The following CYP19A1 variants were observed in gnomAD, a reference collection of about 807,000 sequenced individuals.
The protein encoded by CYP19A1 is aromatase.
CYP19A1 carries 32 observed loss-of-function variants against 44.4 expected under a neutral mutation model. The observed-to-expected ratio is 0.72, with a 90% CI of 0.54 to 0.97. The LOEUF is 0.97. Among genes scored for constraint, CYP19A1 ranks in the 50% least tolerant of loss-of-function variants. CYP19A1 has a pLI of 0.00. For missense variants in CYP19A1, 598 were observed against 637.8 expected (o/e 0.94, Z 0.67); for synonymous variants, 212 against 215.6 (o/e 0.98, Z 0.14).
At chr15:51,255,696 G>C (rs1160970580) in intron 1 of CYP19A1, 1 of 152,212 alleles carries the variant, frequency 6.6e-6, no homozygotes, top group Non-Finnish European at 1.5e-5. Flanking sequence ...CATGAAAGCT[G>C]TTATCAGCGG....
chr15:51,225,714 A>G (rs562916427), intron 4 of CYP19A1, among the ~76,000 whole-genome samples: 7 of 152,266 alleles, frequency 4.6e-5, no homozygotes, highest in Non-Finnish European at 8.8e-5. Context: ...ACCTACTAAC[A>G]TGTTACTTTA....
chr15:51,264,092 T>C (rs946943045), intron 1 of CYP19A1, among the ~76,000 whole-genome samples: 15 of 152,106 alleles, frequency 9.9e-5, no homozygotes, highest in African/African-American at 1.7e-4. Context: ...TTTATGGACA[T>C]AGGCAAAGTG....
intron 1 of CYP19A1, chr15:51,278,276 G>A (rs1265394844): frequency 6.6e-6 from 1 of 152,116 alleles, no homozygotes; most frequent in Non-Finnish European, 1.5e-5. Context: ...ATAGATCGTA[G>A]CGTACCAAGA....
At chr15:51,261,111 C>A (rs185061464) in intron 1 of CYP19A1, among the ~76,000 whole-genome samples, 1 of 152,322 alleles carries the variant, frequency 6.6e-6, no homozygotes, top group East Asian at 1.9e-4. Flanking sequence ...ATTGTTCCTG[C>A]ATGGCTAAGT....
At position 51,215,737 on chromosome 15, in the gene CYP19A1, C is replaced by T; in HGVS notation, c.824G>A (p.Cys275Tyr). 6.2e-7 allele frequency: 1 copy of T among 1,614,040 alleles called. No homozygotes were observed. The highest frequency in any genetic ancestry group is 8.5e-7 in the Non-Finnish European group (1 of 1,179,978). ...RISTEEKLEE[C>Y]MDFATELILA... is the part of the protein sequence containing the mutation. ...AATCAACTCAGTGGCAAAGTCCATA[C>T]ATTCTTCCAGTTTCTCTTCTGTGGA... The change falls in exon 7 of 10, where the codon TGT becomes TAT. Residue 275 changes from cysteine (C) to tyrosine (Y), a missense_variant. By Grantham distance (194) the Cys-to-Tyr change is radical. Coordinates refer to ENST00000396402, the MANE Select transcript of CYP19A1 (RefSeq NM_000103.4).
intron 1 of CYP19A1, among the ~76,000 whole-genome samples, chr15:51,261,683 G>T (rs1595732842): frequency 6.6e-6 from 1 of 152,200 alleles, no homozygotes; most frequent in South Asian, 2.1e-4. Flanking sequence ...TGCTGTGGGG[G>T]TAAAGAGAAC....
intron 1 of CYP19A1, among the ~76,000 whole-genome samples, chr15:51,324,687 A>G (rs952213831): frequency 1.3e-5 from 2 of 152,274 alleles, no homozygotes; most frequent in Non-Finnish European, 2.9e-5. Context: ...TAGCAAACAA[A>G]CACATAGAAA....
chr15:51,301,197 A>G (rs551700873), intron 1 of CYP19A1, among the ~76,000 whole-genome samples: 79 of 152,356 alleles, frequency 5.2e-4, no homozygotes, highest in African/African-American at 1.5e-3. Context: ...GAACAGCTAT[A>G]TGAAGAAATC....
At chr15:51,213,761 G>A (rs981985742) in intron 8 of CYP19A1, among the ~76,000 whole-genome samples, 3 of 152,142 alleles carry the variant, frequency 2.0e-5, no homozygotes, top group Non-Finnish European at 4.4e-5. Flanking sequence ...AAGGCTTATG[G>A]TTTCTCTGAA....
chr15:51,298,005 T>C (rs1485081026), intron 1 of CYP19A1, among the ~76,000 whole-genome samples: 41 of 151,832 alleles, frequency 2.7e-4, no homozygotes, highest in East Asian at 1.9e-4. Context: ...AGAGAAGACG[T>C]TGGAGCTGGG....
intron 1 of CYP19A1, chr15:51,293,553 C>T (rs1009051723): frequency 6.7e-6 from 1 of 149,676 alleles, no homozygotes; most frequent in African/African-American, 2.6e-5. Context: ...CTCCCTCTCC[C>T]TCTCCCCACG....
intron 1 of CYP19A1, among the ~76,000 whole-genome samples, chr15:51,265,015 A>T (rs759397424): frequency 3.9e-5 from 6 of 152,232 alleles, no homozygotes; most frequent in Admixed American, 1.3e-4. Flanking sequence ...GTAATCAGAC[A>T]TTTGAGCCAA....
At chr15:51,337,071 G>A (rs902448925) in intron 1 of CYP19A1, among the ~76,000 whole-genome samples, 1 of 152,190 alleles carries the variant, frequency 6.6e-6, no homozygotes, top group Admixed American at 6.5e-5. Flanking sequence ...ATGGTATTCA[G>A]ACGAGAACCC....
chr15:51,273,217 G>A (rs2035191141), intron 1 of CYP19A1, among the ~76,000 whole-genome samples: 5 of 152,094 alleles, frequency 3.3e-5, no homozygotes, highest in South Asian at 2.1e-4. Flanking sequence ...CCAAAATGCT[G>A]GGATTACAAG....
intron 1 of CYP19A1, among the ~76,000 whole-genome samples, chr15:51,262,897 T>C (rs1427070397): frequency 6.6e-6 from 1 of 152,208 alleles, no homozygotes. Flanking sequence ...CTTGCACTCC[T>C]GGAGCCTATA....
chr15:51,282,355 C>A (rs59495361), intron 1 of CYP19A1, among the ~76,000 whole-genome samples: 11 of 152,190 alleles, frequency 7.2e-5, no homozygotes, highest in African/African-American at 2.7e-4. Flanking sequence ...TGAGTCTAGA[C>A]TTGCTGGCTC....
At chr15:51,242,662 C>A in intron 2 of CYP19A1, 106 bp downstream of exon 2, 1 of 730,926 alleles carries the variant, frequency 1.4e-6, no homozygotes, top group Non-Finnish European at 2.5e-6. Context: ...CTTCAGAGAT[C>A]TTTCCAGGTT....
intron 6 of CYP19A1, 57 bp downstream of exon 6, chr15:51,218,484 A>G: frequency 2.6e-6 from 4 of 1,563,290 alleles, no homozygotes; most frequent in Non-Finnish European, 3.5e-6. Context: ...GCAAAGACAC[A>G]AGGGAAAAAA....
chr15:51,300,980 G>A (rs1306820875), intron 1 of CYP19A1, among the ~76,000 whole-genome samples: 1 of 152,192 alleles, frequency 6.6e-6, no homozygotes, highest in African/African-American at 2.4e-5. Context: ...GTGAATAGGA[G>A]GCTAAGAAAG....
Sources: allele counts gnomAD v4.1 joint callset (sites outside exome capture counted in the v4.1 genomes callset), GRCh38; gene constraint gnomAD v4.1.1; transcripts MANE v1.5; gene names NCBI Gene and HGNC (gene_info 2026-07-23, HGNC 2026-07-21).